TMPRSS9: variants seen among roughly 807,000 people sequenced by gnomAD.
TMPRSS9 encodes the protein transmembrane serine protease 9.
A neutral mutation model predicts 111.4 loss-of-function variants in TMPRSS9; 113 were observed. The observed-to-expected ratio is 1.01, with a 90% confidence interval of 0.87 to 1.19. The LOEUF (loss-of-function observed/expected upper bound fraction) is 1.19. Among genes scored for constraint, TMPRSS9 ranks in the 50% most tolerant of loss-of-function variants. The pLI, the probability that TMPRSS9 is intolerant of heterozygous loss-of-function variation, is 0.00. For synonymous variants in TMPRSS9, 805 were observed against 659.1 expected (o/e 1.22, Z -3.39); for missense variants, 1,803 against 1,513.1 (o/e 1.19, Z -3.18).
rs71178274 is a variant in TMPRSS9, at chr19:2,408,990, A to AAATAATAATAATAAT, written c.1117+388_1117+402dup. On this transcript the variant is annotated intron_variant, in intron 8 of 17. Transcript: ENST00000648592. ...GGTGACAGTGGGAGGCTCCATCTCAAAATAATAATAATAATAATAATAATA... is the reference window on the plus strand; with the variant it reads ...GGTGACAGTGGGAGGCTCCATCTCAAAATAATAATAATAATAATAATAATAATAATAATAATAATA... Among the ~76,000 whole-genome samples the AAATAATAATAATAAT allele has an allele frequency of 6.6e-3, 829 of 124,954 alleles. 7 individuals are homozygous for AAATAATAATAATAAT. The highest frequency in any genetic ancestry group is 0.015 in the African/African-American group (482 of 31,744). 82.0% of individuals were successfully genotyped at this position (124,954 alleles called of 152,430 possible).
intron 4 of TMPRSS9, among the ~76,000 whole-genome samples, chr19:2,400,368 C>T (rs911641242): frequency 1.3e-5 from 2 of 151,800 alleles, no homozygotes; most frequent in Admixed American, 6.6e-5. Flanking sequence ...ATGGCGAAAC[C>T]CCGTCTCTAC....
intron 1 of TMPRSS9, chr19:2,396,305 C>T (rs1014589343): frequency 1.5e-5 from 7 of 465,728 alleles, no homozygotes; most frequent in African/African-American, 4.0e-5. Flanking sequence ...TGGGGACCTC[C>T]GGGTGGGTGG....
At chr19:2,382,721 A>T (rs574638317) in intron 1 of TMPRSS9, among the ~76,000 whole-genome samples, 8 of 151,798 alleles carry the variant, frequency 5.3e-5, no homozygotes, top group African/African-American at 1.9e-4. Flanking sequence ...ACACATGCAC[A>T]CAGATACATA....
chr19:2,416,994 G>T (rs1971255177), intron 12 of TMPRSS9, among the ~76,000 whole-genome samples, 185 bp downstream of exon 13: 2 of 152,090 alleles, frequency 1.3e-5, no homozygotes, highest in Admixed American at 1.3e-4. Flanking sequence ...TCCATCTGGG[G>T]GCAAAATCTG....
chr19:2,400,561 T>A (rs1970813645), intron 4 of TMPRSS9, among the ~76,000 whole-genome samples: 1 of 151,154 alleles, frequency 6.6e-6, no homozygotes, highest in Non-Finnish European at 1.5e-5. Context: ...TTAATAAAAA[T>A]AAAAAATAAA....
In TMPRSS9 at chr19:2,408,474, G is replaced by A. The variant is rs1333898516; in HGVS notation, c.961G>A (p.Asp321Asn). ...CGTCAAGCACCCCCTGTACAACGCG[G>A]ACACGGCCGACTTTGACGTGGCTGT... Residue 321 changes from aspartate to asparagine, a missense_variant, in exon 8 of 18, where the codon GAC becomes AAC. By Grantham distance (23) the Asp-to-Asn change is conservative (BLOSUM62 1). Transcript: ENST00000648592. The A allele has an allele frequency of 1.9e-6, 3 of 1,613,936 alleles. 1 individual carries two copies. Among genetic ancestry groups the A allele is most frequent in the Middle Eastern group, 3.3e-4 (2 of 6,062 alleles).
Position 2,391,109 on chromosome 19 carries a change from C to T in TMPRSS9, c.142+1182C>T, listed in dbSNP as rs544204005. On this transcript the variant is annotated intron_variant, in intron 1 of 17. Transcript: ENST00000648592. ...GAAGATAGCTGAGCATGGTGGTGCA[C>T]GCCTGTTATCCCAGCTACTTGGGAG... Among the ~76,000 whole-genome samples the T allele has an allele frequency of 9.3e-5, 14 of 150,838 alleles. No individual in the cohort carries two copies. The East Asian group carries it at 2.4e-3, about 26-fold the overall frequency.
At chr19:2,377,504 TTCCCCCTCCCCTCACCTTCCCTTCCC>T (rs1970347625) in intron 1 of TMPRSS9, among the ~76,000 whole-genome samples, 1 of 27,902 alleles carries the variant, frequency 3.6e-5, no homozygotes, top group Non-Finnish European at 6.0e-5. Flanking sequence ...CCCTCTCCCC[TTCCCCCTCCCCTCACCTTCCCTTCCC>T]CTCTCCCCTC....
chr19:2,420,141 G>A (rs1055733776), intron 13 of TMPRSS9, among the ~76,000 whole-genome samples: 2 of 149,130 alleles, frequency 1.3e-5, no homozygotes, highest in Non-Finnish European at 3.0e-5. Flanking sequence ...CATCCTGGGC[G>A]ACACAGCAAG....
At chr19:2,423,724 C>G (rs1343516598) in intron 14 of TMPRSS9, among the ~76,000 whole-genome samples, 2 of 152,018 alleles carry the variant, frequency 1.3e-5, no homozygotes, top group East Asian at 3.9e-4. Flanking sequence ...GCAGAGGGCA[C>G]CAAGGCAGGG....
intron 1 of TMPRSS9, among the ~76,000 whole-genome samples, chr19:2,380,296 CAAAA>C (rs980629489): frequency 2.9e-4 from 43 of 149,778 alleles, no homozygotes; most frequent in Non-Finnish European, 1.0e-4. Context: ...AAAAAAACAA[CAAAA>C]AAACCCCACA....
chr19:2,363,187 C>G (rs1970216033), intron 1 of TMPRSS9, among the ~76,000 whole-genome samples: 1 of 152,198 alleles, frequency 6.6e-6, no homozygotes, highest in Admixed American at 6.5e-5. Flanking sequence ...GGTCCCGTCC[C>G]TAAAGAGCAT....
chr19:2,422,015 GCCCCTTCCCATGTCTCCCCCCTCGACCA>G lies in TMPRSS9; in HGVS notation c.2318_2345del (p.Pro773GlnfsTer33). On this transcript the variant is annotated frameshift_variant, in exon 14 of 18. Transcript: ENST00000648592. LOFTEE classifies it high-confidence loss of function. ...GGATCCTGGAGATCATGTCCTCCCA[GCCCCTTCCCATGTCTCCCCCCTCGACCA>G]CAAGGATGCTGGCCACCACCAGCCC... The G allele has an allele frequency of 6.2e-7, 1 of 1,612,954 alleles. No homozygotes were observed. Among genetic ancestry groups the G allele is most frequent in the Non-Finnish European group, 8.5e-7 (1 of 1,179,848 alleles).
In TMPRSS9 at chr19:2,403,798, C is replaced by T. The variant is rs951044492; in HGVS notation, c.670+603C>T. Among the ~76,000 whole-genome samples, 7 of 151,876 alleles carry T rather than the reference C, an allele frequency of 4.6e-5. No homozygotes were observed. In the South Asian group the frequency reaches 6.2e-4, roughly 14 times the overall value. On this transcript the variant is annotated intron_variant, in intron 6 of 17. Transcript: ENST00000648592. ...CACGAGGTCAGGAGATCGAGACCAT[C>T]GTGGCTAACACGGTGAAACCCCCTC...
In TMPRSS9 at chr19:2,409,139, ATT is replaced by A. The variant is rs534247160; in HGVS notation, c.1117+526_1117+527del. 6.1e-4 allele frequency among the ~76,000 whole-genome samples: 80 copies of A among 131,276 alleles called. 1 individual carries two copies. Among genetic ancestry groups the A allele is most frequent in the African/African-American group, 2.0e-3 (71 of 35,082 alleles). 86.1% of individuals were successfully genotyped at this position (131,276 alleles called of 152,430 possible). A position where few individuals can be genotyped will look rare whatever the true frequency, so the allele number is the denominator to read the frequency against. ...ATAACCCATCATCGATGCTACTGCG[ATT>A]TTTTTTTTTTTTTTTTGAGATGGAG... is the stretch of plus-strand genomic sequence containing the variant. On this transcript the variant is annotated intron_variant, in intron 8 of 17. Coordinates refer to ENST00000648592, the Ensembl canonical transcript of TMPRSS9.
At chr19:2,425,415 C>G (rs2145429870) in exon 17 of TMPRSS9, 2 of 1,579,482 alleles carry the variant, frequency 1.3e-6, no homozygotes, top group South Asian at 2.3e-5. Flanking sequence ...AGCAGACCTG[C>G]CGCCGCTTCT....
intron 1 of TMPRSS9, among the ~76,000 whole-genome samples, chr19:2,377,207 CAT>C (rs1271752640): frequency 1.3e-5 from 2 of 149,558 alleles, no homozygotes; most frequent in African/African-American, 5.0e-5. Flanking sequence ...TTCAGTCCTG[CAT>C]ATGTCAGTTC....
chr19:2,362,247 G>A (rs886463467), intron 1 of TMPRSS9, among the ~76,000 whole-genome samples: 4 of 151,898 alleles, frequency 2.6e-5, no homozygotes, highest in South Asian at 2.1e-4. Flanking sequence ...GTTGTGTGTC[G>A]ATGGCTGTAT....
chr19:2,392,233 T>C (rs12610988), intron 1 of TMPRSS9, among the ~76,000 whole-genome samples: 3 of 151,552 alleles, frequency 2.0e-5, no homozygotes, highest in African/African-American at 7.3e-5. Flanking sequence ...TAAAATTTTA[T>C]AATGTTTTCA....
Sources: gnomAD v4.1 joint callset for allele counts (sites outside exome capture counted in the v4.1 genomes callset) on GRCh38, gnomAD v4.1.1 for gene constraint, MANE v1.5 for transcripts, NCBI Gene and HGNC (gene_info 2026-07-23, HGNC 2026-07-21) for gene names.